The following SEMA3D variants were observed in gnomAD, a reference collection of about 807,000 sequenced individuals.
SEMA3D encodes semaphorin-3D.
Under a neutral mutation model 100.1 loss-of-function variants are expected in SEMA3D, and 84 were observed. That is an observed-to-expected ratio of 0.84 (90% CI 0.70 to 1.01). The LOEUF is 1.01. SEMA3D is among the 50% of genes least tolerant of loss of function. SEMA3D has a pLI of 0.00. For synonymous variants in SEMA3D, 312 were observed against 320.7 expected (o/e 0.97, Z 0.29); for missense variants, 875 against 934.1 (o/e 0.94, Z 0.82).
Position 85,180,214 on chromosome 7 carries a change from T to C in SEMA3D, c.-173+6464A>G, listed in dbSNP as rs577437730. 2.0e-5 allele frequency among the ~76,000 whole-genome samples: 3 copies of C among 152,298 alleles called. No individual in the cohort carries two copies. In the East Asian group the frequency reaches 5.8e-4, roughly 29 times the overall value. ...GAGCAGTTTTCCCATGCTGTTCTTA[T>C]GATAGTGAGTGAGTTCTCACAAGAC... On this transcript the variant is annotated intron_variant, in intron 1 of 18. Transcript: ENST00000284136.
intron 15 of SEMA3D, among the ~76,000 whole-genome samples, chr7:85,017,793 G>C (rs760703438): frequency 3.8e-4 from 58 of 151,748 alleles, no homozygotes; most frequent in Non-Finnish European, 7.2e-4. Flanking sequence ...AACTCTGGAG[G>C]TGGATATTGT....
At chr7:85,150,415 T>C (rs929350735) in intron 2 of SEMA3D, among the ~76,000 whole-genome samples, 54 of 132,784 alleles carry the variant, frequency 4.1e-4, no homozygotes, top group East Asian at 1.1e-3. Flanking sequence ...TATATATATA[T>C]ACACACACAC....
At chr7:85,047,460 T>G (rs754531282) in intron 9 of SEMA3D, among the ~76,000 whole-genome samples, 2 of 151,884 alleles carry the variant, frequency 1.3e-5, no homozygotes, top group East Asian at 3.9e-4. Context: ...TTTGGGTCAC[T>G]ATGCTGGGTT....
At chr7:85,034,892 C>T (rs935776773) in intron 12 of SEMA3D, among the ~76,000 whole-genome samples, 1 of 152,040 alleles carries the variant, frequency 6.6e-6, no homozygotes, top group South Asian at 2.1e-4. Context: ...GGTACTGCCA[C>T]TATGGAAAAC....
At chr7:85,184,873 C>G (rs1456037200) in intron 1 of SEMA3D, among the ~76,000 whole-genome samples, 3 of 152,192 alleles carry the variant, frequency 2.0e-5, no homozygotes, top group Non-Finnish European at 4.4e-5. Context: ...TGGGGCGAGT[C>G]TCAGAGACTC....
intron 3 of SEMA3D, among the ~76,000 whole-genome samples, chr7:85,118,719 G>T (rs951711190): frequency 6.6e-6 from 1 of 152,104 alleles, no homozygotes; most frequent in African/African-American, 2.4e-5. Context: ...TCTGTAGGTT[G>T]TCTGTTGACT....
chr7:85,004,056 A>T (rs1022433289), intron 18 of SEMA3D, among the ~76,000 whole-genome samples: 2 of 152,100 alleles, frequency 1.3e-5, no homozygotes, highest in Non-Finnish European at 2.9e-5. Flanking sequence ...TATTATTTTA[A>T]GCAGGAACAT....
chr7:85,181,156 T>A (rs1170315596), intron 1 of SEMA3D, among the ~76,000 whole-genome samples: 2 of 152,328 alleles, frequency 1.3e-5, no homozygotes, highest in South Asian at 4.1e-4. Context: ...ATAGGGATCC[T>A]CAGGCTTATC....
chr7:85,024,540 G>T (rs1584531679), intron 12 of SEMA3D, among the ~76,000 whole-genome samples: 1 of 151,758 alleles, frequency 6.6e-6, no homozygotes, highest in African/African-American at 2.4e-5. Flanking sequence ...TCATTGCTCC[G>T]ACAAAAATGG....
intron 5 of SEMA3D, 148 bp from the exon 6 acceptor site, chr7:85,073,229 G>A: frequency 1.3e-6 from 1 of 742,768 alleles, no homozygotes; most frequent in Non-Finnish European, 2.2e-6. Context: ...GACATCTGTT[G>A]TAGCAAACGA....
At chr7:85,150,689 C>A (rs1490862429) in intron 2 of SEMA3D, among the ~76,000 whole-genome samples, 2 of 151,752 alleles carry the variant, frequency 1.3e-5, no homozygotes, top group African/African-American at 4.8e-5. Flanking sequence ...CTAGCTTTTG[C>A]TACATTTATA....
At chr7:85,247,962 A>G in the SEMA3D span, among the ~76,000 whole-genome samples, 1 of 152,122 alleles carries the variant, frequency 6.6e-6, no homozygotes, top group African/African-American at 2.4e-5. Context: ...GAGAAAATTT[A>G]GGTGACATTG....
intron 1 of SEMA3D, among the ~76,000 whole-genome samples, chr7:85,172,791 C>A (rs943890418): frequency 1.3e-5 from 2 of 151,992 alleles, no homozygotes; most frequent in African/African-American, 4.8e-5. Context: ...ACAAACGATC[C>A]CGTCTCTGGG....
chr7:85,040,981 A>G (rs1278617958), intron 10 of SEMA3D: 1 of 279,924 alleles, frequency 3.6e-6, no homozygotes, highest in Non-Finnish European at 6.6e-6. Context: ...TAGAAAATAT[A>G]AACCAAAAAA....
At chr7:85,225,733 G>T in the SEMA3D span, among the ~76,000 whole-genome samples, 1 of 152,006 alleles carries the variant, frequency 6.6e-6, no homozygotes, top group Non-Finnish European at 1.5e-5. Context: ...CACTGCTGTG[G>T]GGTCAGAGCC....
At chr7:85,146,715 A>C (rs899942198) in intron 2 of SEMA3D, among the ~76,000 whole-genome samples, 4 of 152,126 alleles carry the variant, frequency 2.6e-5, no homozygotes, top group Non-Finnish European at 5.9e-5. Flanking sequence ...CACAAGCACC[A>C]GTCTTCCGTT....
At position 85,072,946 on chromosome 7, in the gene SEMA3D, T is replaced by G. The variant is rs1231675669; in HGVS notation, c.495+16A>C. 6.3e-7 allele frequency: 1 copy of G among 1,578,372 alleles called. No homozygotes were observed. Among genetic ancestry groups the G allele is most frequent in the Non-Finnish European group, 8.6e-7 (1 of 1,162,464 alleles). ...TTACAATAAATTATGCTTTTCATGC[T>G]TTTTCATTATATTACCTCCTTGTAG... On this transcript the variant is annotated intron_variant, in intron 6 of 18. Transcript: ENST00000284136.
At chr7:85,009,586 A>T (rs893607915) in intron 17 of SEMA3D, among the ~76,000 whole-genome samples, 9 of 59,462 alleles carry the variant, frequency 1.5e-4, no homozygotes, top group South Asian at 1.0e-3. Flanking sequence ...ACTTTTATTT[A>T]AAAAAAAAAA....
chr7:85,075,400 T>C (rs1791894450), intron 5 of SEMA3D, among the ~76,000 whole-genome samples: 1 of 150,550 alleles, frequency 6.6e-6, no homozygotes, highest in East Asian at 1.9e-4. Flanking sequence ...TTATACACAA[T>C]GGGGATATAA....
Sources: gnomAD v4.1 joint callset for allele counts (sites outside exome capture counted in the v4.1 genomes callset) on GRCh38, gnomAD v4.1.1 for gene constraint, MANE v1.5 for transcripts, NCBI Gene and HGNC (gene_info 2026-07-23, HGNC 2026-07-21) for gene names.